The following MTA3 variants were observed in gnomAD, a reference collection of about 807,000 sequenced individuals.
MTA3 encodes metastasis associated 1 family member 3, also known as metastasis-associated protein MTA3.
MTA3 carries 34 observed loss-of-function variants against 83.5 expected under a neutral mutation model. The ratio of observed to expected loss-of-function variants is 0.41; its 90% CI spans 0.31 to 0.54. The LOEUF (loss-of-function observed/expected upper bound fraction) is 0.54, where lower values mean the gene tolerates loss of function less well. Ranked by LOEUF, MTA3 falls within the 20% of genes least tolerant of loss-of-function variation. The pLI, the probability that MTA3 is intolerant of heterozygous loss-of-function variation, is 0.33. For missense variants in MTA3, 761 were observed against 726.4 expected, an observed-to-expected ratio of 1.05 and a Z score of -0.55; for synonymous variants, 303 against 252.7, an observed-to-expected ratio of 1.20 and a Z score of -1.89.
chr2:42,612,963 A>G (rs1417589472), intron 4 of MTA3, among the ~76,000 whole-genome samples: 1 of 152,244 alleles, frequency 6.6e-6, no homozygotes, highest in Non-Finnish European at 1.5e-5. Context: ...AAATGTATCT[A>G]AAAGACACAA....
intron 2 of MTA3, among the ~76,000 whole-genome samples, chr2:42,530,692 G>T (rs1171743112): frequency 6.6e-6 from 1 of 151,864 alleles, no homozygotes; most frequent in Non-Finnish European, 1.5e-5. Context: ...GGCTGAGGCA[G>T]GAGAATCGCT....
chr2:42,521,480 A>G (rs932190857), intron 2 of MTA3, among the ~76,000 whole-genome samples: 1 of 152,166 alleles, frequency 6.6e-6, no homozygotes, highest in Non-Finnish European at 1.5e-5. Flanking sequence ...GTTTTGGGGT[A>G]ATTTATCACA....
At chr2:42,580,115 A>T (rs1388423695) in intron 3 of MTA3, among the ~76,000 whole-genome samples, 2 of 151,802 alleles carry the variant, frequency 1.3e-5, no homozygotes, top group East Asian at 2.0e-4. Context: ...GGCTAATTTT[A>T]AAAAAGCGTG....
chr2:42,601,412 G>T (rs961125461), intron 3 of MTA3, among the ~76,000 whole-genome samples: 1 of 152,166 alleles, frequency 6.6e-6, no homozygotes, highest in South Asian at 2.1e-4. Context: ...AGTTTTTCCA[G>T]TGTGGCTGTT....
At chr2:42,710,602 C>T (rs1666523490) in intron 14 of MTA3, among the ~76,000 whole-genome samples, 1 of 147,392 alleles carries the variant, frequency 6.8e-6, no homozygotes, top group Non-Finnish European at 1.5e-5. Flanking sequence ...CAGAGTCCCA[C>T]AGAAGGGGGA....
At chr2:42,618,098 C>G (rs1265670142) in intron 4 of MTA3, among the ~76,000 whole-genome samples, 1 of 152,160 alleles carries the variant, frequency 6.6e-6, no homozygotes, top group South Asian at 2.1e-4. Flanking sequence ...GTGCACACTA[C>G]CATACCTGGG....
chr2:42,736,673 C>G (rs1668637180), intron 16 of MTA3, among the ~76,000 whole-genome samples: 1 of 152,090 alleles, frequency 6.6e-6, no homozygotes, highest in Non-Finnish European at 1.5e-5. Flanking sequence ...TCTTCTCTCT[C>G]CTTTCCTCAA....
chr2:42,717,508 A>G (rs911898304), intron 14 of MTA3, among the ~76,000 whole-genome samples: 23 of 152,226 alleles, frequency 1.5e-4, no homozygotes, highest in African/African-American at 5.5e-4. Flanking sequence ...ACAGCTAATT[A>G]AAACACAGAA....
chr2:42,582,182 C>T (rs1255503749), intron 3 of MTA3, among the ~76,000 whole-genome samples: 1 of 152,048 alleles, frequency 6.6e-6, no homozygotes, highest in African/African-American at 2.4e-5. Flanking sequence ...CTCAGCCTCC[C>T]GAGAAGCTGG....
rs551167709 is a variant in MTA3, at chr2:42,512,066, TA to T, written c.-141+16813del. 9.9e-5 allele frequency among the ~76,000 whole-genome samples: 15 copies of T among 150,828 alleles called. 1 individual carries two copies. In the South Asian group the frequency reaches 3.1e-3, roughly 31 times the overall value. The stretch of plus-strand genomic sequence containing the variant: ...ATAAAATAAAAAATAATTATAATAA[TA>T]TTTTCTGTGGAAACCTGAGAAGTAT... On this transcript the variant is annotated intron_variant, in intron 2 of 17. Transcript: ENST00000405592.
intron 2 of MTA3, among the ~76,000 whole-genome samples, chr2:42,536,733 C>A (rs1207221253): frequency 6.6e-6 from 1 of 151,652 alleles, no homozygotes; most frequent in Non-Finnish European, 1.5e-5. Context: ...GTAGCAGGCG[C>A]CTGTAGTCCC....
chr2:42,577,105 A>AAAAAAAAT (rs1211189566), intron 2 of MTA3, among the ~76,000 whole-genome samples: 11 of 86,920 alleles, frequency 1.3e-4, no homozygotes, highest in Middle Eastern at 5.5e-3. Context: ...AAAAAAAAAA[A>AAAAAAAAT]ATATATATAT....
At chr2:42,579,518 A>G (rs1265657235) in intron 3 of MTA3, among the ~76,000 whole-genome samples, 3 of 150,642 alleles carry the variant, frequency 2.0e-5, no homozygotes, top group Non-Finnish European at 4.4e-5. Context: ...CCTCAAAATC[A>G]CAGGCTCAAG....
chr2:42,729,086 G>GGTT (rs1668033121), intron 16 of MTA3, among the ~76,000 whole-genome samples: 1 of 60,142 alleles, frequency 1.7e-5, no homozygotes, highest in African/African-American at 6.2e-5. Flanking sequence ...CACAGTTTGA[G>GGTT]TTTTTTTTTT....
intron 14 of MTA3, chr2:42,712,811 G>A (rs996052003): frequency 6.6e-6 from 1 of 151,916 alleles, no homozygotes; most frequent in Non-Finnish European, 1.5e-5. Context: ...CCTGAGCAAG[G>A]ATGACAACAC....
At chr2:42,714,843 C>T (rs911337627) in intron 14 of MTA3, among the ~76,000 whole-genome samples, 20 of 152,138 alleles carry the variant, frequency 1.3e-4, no homozygotes, top group Non-Finnish European at 2.1e-4. Context: ...ATAGGGTTAG[C>T]GCTCCTATGA....
intron 4 of MTA3, among the ~76,000 whole-genome samples, chr2:42,615,708 CTTCT>C (rs1558503974): frequency 1.8e-5 from 1 of 56,878 alleles, no homozygotes; most frequent in Non-Finnish European, 3.4e-5. Flanking sequence ...TGAATAATCT[CTTCT>C]TTTTTTTTTT....
At chr2:42,673,018 T>C (rs1192779442) in intron 8 of MTA3, among the ~76,000 whole-genome samples, 1 of 151,886 alleles carries the variant, frequency 6.6e-6, no homozygotes, top group African/African-American at 2.4e-5. Context: ...AGCTAATTTT[T>C]GTATTTTTAG....
chr2:42,704,072 T>C, intron 11 of MTA3, 122 bp from the exon 12 acceptor site: 1 of 1,147,370 alleles, frequency 8.7e-7, no homozygotes, highest in Non-Finnish European at 1.2e-6. Flanking sequence ...TTATTTCTTC[T>C]TCACACATTT....
Sources: allele counts gnomAD v4.1 joint callset (sites outside exome capture counted in the v4.1 genomes callset), GRCh38; gene constraint gnomAD v4.1.1; transcripts MANE v1.5; gene names NCBI Gene and HGNC (gene_info 2026-07-23, HGNC 2026-07-21).